The following PARVB variants were observed in gnomAD, a reference collection of about 807,000 sequenced individuals.
The protein encoded by PARVB is beta-parvin.
Under a neutral mutation model 47.0 loss-of-function variants are expected in PARVB, and 46 were observed. That is an observed-to-expected ratio of 0.98 (90% CI 0.77 to 1.25). The LOEUF is 1.25. PARVB is among the 50% of genes most tolerant of loss of function. The pLI is 0.00. For missense variants in PARVB, 473 were observed against 471.6 expected, an observed-to-expected ratio of 1.00 and a Z score of -0.03; for synonymous variants, 196 against 196.3, an observed-to-expected ratio of 1.00 and a Z score of 0.01.
At chr22:44,127,851 T>C (rs1260813105) in intron 4 of PARVB, among the ~76,000 whole-genome samples, 1 of 140,666 alleles carries the variant, frequency 7.1e-6, no homozygotes, top group Non-Finnish European at 1.6e-5. Flanking sequence ...AGTGGCGTGA[T>C]CACAGCTCAC....
At chr22:44,148,174 C>T (rs1601682950) in intron 9 of PARVB, 2 of 534,272 alleles carry the variant, frequency 3.7e-6, no homozygotes, top group Admixed American at 3.1e-5. Context: ...TTACCCAGCC[C>T]CCATTTCTTT....
intron 7 of PARVB, among the ~76,000 whole-genome samples, chr22:44,138,581 T>A (rs2053489657): frequency 6.6e-6 from 1 of 152,192 alleles, no homozygotes; most frequent in Non-Finnish European, 1.5e-5. Context: ...GGATGTCTGC[T>A]GAAAACCAGC....
intron 2 of PARVB, among the ~76,000 whole-genome samples, chr22:44,004,082 G>A (rs1444707848): frequency 6.6e-6 from 1 of 152,204 alleles, no homozygotes; most frequent in Non-Finnish European, 1.5e-5. Flanking sequence ...CCATCTGCAT[G>A]TCATTCTCTG....
At chr22:44,034,513 C>T (rs2050884880) in intron 1 of PARVB, among the ~76,000 whole-genome samples, 1 of 151,870 alleles carries the variant, frequency 6.6e-6, no homozygotes, top group Non-Finnish European at 1.5e-5. Context: ...CCTGCCTTAG[C>T]CTCCTGAGTA....
chr22:44,076,360 C>T (rs890494766), intron 1 of PARVB, among the ~76,000 whole-genome samples: 1 of 152,206 alleles, frequency 6.6e-6, no homozygotes, highest in African/African-American at 2.4e-5. Context: ...CTTGTAAGCC[C>T]GGTCCCCACA....
At chr22:44,076,603 G>A (rs568650311) in intron 1 of PARVB, among the ~76,000 whole-genome samples, 1 of 152,322 alleles carries the variant, frequency 6.6e-6, no homozygotes, top group African/African-American at 2.4e-5. Context: ...GGCAGGAGCA[G>A]TGTATGCCTC....
At chr22:44,112,750 G>A (rs10433315) in intron 3 of PARVB, 7 of 6,936 alleles carry the variant, frequency 1.0e-3, no homozygotes, top group African/African-American at 4.6e-3. Context: ...GTAAGGCCCT[G>A]CACCAACACA....
Position 44,124,700 on chromosome 22 carries a change from A to G in PARVB, c.376+5560A>G, listed in dbSNP as rs140832002. ...CCGTCCTGGAGGGTCACTCCCACAG[A>G]CAAGCCCCATCCTGGTGGAAGGGTC... On this transcript the variant is annotated intron_variant, in intron 4 of 12. Coordinates refer to ENST00000338758, the MANE Select transcript of PARVB (RefSeq NM_013327.5). 4.0e-3 allele frequency among the ~76,000 whole-genome samples: 606 copies of G among 151,718 alleles called. 6 individuals are homozygous for G. The highest frequency in any genetic ancestry group is 0.014 in the African/African-American group (564 of 41,198).
rs551175672 is a variant in PARVB, at chr22:44,090,714, G to A, written c.113-3214G>A. Among the ~76,000 whole-genome samples, 19 of 152,304 alleles carry A rather than the reference G, an allele frequency of 1.2e-4. No homozygotes were observed. In the South Asian group the frequency reaches 2.1e-3, roughly 17 times the overall value. On this transcript the variant is annotated intron_variant, in intron 1 of 12. Transcript: ENST00000338758. Reference sequence around the variant, plus strand: ...CCACCTGTGTAATCCTCCACACATAGGGAAACTGGGTCTTTTGTTCTTCCT... The same window carrying A: ...CCACCTGTGTAATCCTCCACACATAAGGAAACTGGGTCTTTTGTTCTTCCT...
chr22:44,147,474 T>A, intron 8 of PARVB: 1 of 363,006 alleles, frequency 2.8e-6, no homozygotes, highest in South Asian at 2.1e-5. Context: ...AGTGGTTGGA[T>A]TCACAGGTGA....
intron 9 of PARVB, chr22:44,148,372 CTGCTGGTCAATCTG>C (rs2053732979): frequency 4.8e-6 from 1 of 207,076 alleles, no homozygotes; most frequent in African/African-American, 2.3e-5. Context: ...CCCAGGCAGC[CTGCTGGTCAATCTG>C]TGGATGGAAA....
chr22:44,017,526 GC>G (rs1439768475), intron 2 of PARVB, among the ~76,000 whole-genome samples: 1 of 152,196 alleles, frequency 6.6e-6, no homozygotes, highest in Non-Finnish European at 1.5e-5. Context: ...CACTAGTTCT[GC>G]TTGAAATGTG....
intron 1 of PARVB, among the ~76,000 whole-genome samples, chr22:44,059,178 G>T (rs1024661832): frequency 6.6e-6 from 1 of 151,276 alleles, no homozygotes; most frequent in African/African-American, 2.4e-5. Context: ...CCTGAATAGC[G>T]GGCATTACAG....
At position 44,110,413 on chromosome 22, in the gene PARVB, G is replaced by A. The variant is rs563147608; in HGVS notation, c.274-8625G>A. Reference sequence around the variant, plus strand: ...TTGACTGTGACTTGAGACTTATCTTGGACACCCCTTTCTGTTCCGTGGGTC... The same window carrying A: ...TTGACTGTGACTTGAGACTTATCTTAGACACCCCTTTCTGTTCCGTGGGTC... On this transcript the variant is annotated intron_variant, in intron 3 of 12. Coordinates refer to ENST00000338758, the MANE Select transcript of PARVB (RefSeq NM_013327.5). The A allele has an allele frequency of 1.1e-4, 17 of 152,050 alleles. 1 individual carries two copies. The South Asian group carries it at 3.5e-3, about 32-fold the overall frequency. 9.4% of individuals were successfully genotyped at this position (152,050 alleles called of 1,614,324 possible). A position where few individuals can be genotyped will look rare whatever the true frequency, so the allele number is the denominator to read the frequency against.
intron 2 of PARVB, among the ~76,000 whole-genome samples, chr22:43,999,854 A>AAAAAC (rs1327056545): frequency 6.6e-6 from 1 of 150,398 alleles, no homozygotes; most frequent in Non-Finnish European, 1.5e-5. Context: ...AAAAAAAAAA[A>AAAAAC]AAAACAGCTG....
At chr22:44,053,083 CTTT>C (rs1192961779) in intron 1 of PARVB, among the ~76,000 whole-genome samples, 2 of 137,566 alleles carry the variant, frequency 1.5e-5, no homozygotes. Flanking sequence ...TGTTACACAT[CTTT>C]TTTTTTTTTT....
At chr22:44,008,302 G>A (rs531319146) in intron 2 of PARVB, among the ~76,000 whole-genome samples, 6 of 152,120 alleles carry the variant, frequency 3.9e-5, no homozygotes, top group African/African-American at 1.4e-4. Context: ...GTAGAGATGG[G>A]GTTTCACATG....
chr22:44,123,205 T>G (rs949049136), intron 4 of PARVB, among the ~76,000 whole-genome samples: 15 of 152,238 alleles, frequency 9.9e-5, no homozygotes, highest in African/African-American at 3.1e-4. Flanking sequence ...CCCTTGCTCC[T>G]GCAACACTCC....
At chr22:44,064,963 T>A (rs1427349489) in intron 1 of PARVB, among the ~76,000 whole-genome samples, 6 of 152,224 alleles carry the variant, frequency 3.9e-5, no homozygotes, top group Admixed American at 2.0e-4. Flanking sequence ...TTTGGTTGAT[T>A]GTATGAAACC....
Sources: allele counts gnomAD v4.1 joint callset (sites outside exome capture counted in the v4.1 genomes callset), GRCh38; gene constraint gnomAD v4.1.1; transcripts MANE v1.5; gene names NCBI Gene and HGNC (gene_info 2026-07-23, HGNC 2026-07-21).